EFCAB3: variants seen among roughly 807,000 people sequenced by gnomAD.
EFCAB3 encodes EF-hand calcium binding domain 3.
Under a neutral mutation model 42.2 loss-of-function variants are expected in EFCAB3, and 36 were observed. The ratio of observed to expected loss-of-function variants is 0.85; its 90% CI spans 0.65 to 1.13. The LOEUF is 1.13. EFCAB3 is among the 50% of genes most tolerant of loss of function. The pLI, the probability that EFCAB3 is intolerant of heterozygous loss-of-function variation, is 0.00. For synonymous variants in EFCAB3, 170 were observed against 172.8 expected, an observed-to-expected ratio of 0.98 and a Z score of 0.13; for missense variants, 418 against 505.1, an observed-to-expected ratio of 0.83 and a Z score of 1.65.
intron 3 of EFCAB3, among the ~76,000 whole-genome samples, chr17:62,389,746 A>G (rs2070286368): frequency 6.6e-6 from 1 of 152,228 alleles, no homozygotes; most frequent in African/African-American, 2.4e-5. Flanking sequence ...AATTGATTAT[A>G]ACCCAAAGTA....
chr17:62,378,783 G>A (rs2070170926), upstream of EFCAB3, among the ~76,000 whole-genome samples: 1 of 151,196 alleles, frequency 6.6e-6, no homozygotes, highest in African/African-American at 2.4e-5. Flanking sequence ...GGGGGGTGGG[G>A]GGCTAGGGGA....
intron 8 of EFCAB3, among the ~76,000 whole-genome samples, 176 bp from the exon 9 acceptor site, chr17:62,413,556 G>T (rs535226865): frequency 1.3e-5 from 2 of 152,190 alleles, no homozygotes; most frequent in South Asian, 2.1e-4. Flanking sequence ...TATGCCAAAT[G>T]CCACTCCTGA....
At chr17:62,370,407 C>A in intron 1 of EFCAB3, 1 of 1,382,748 alleles carries the variant, frequency 7.2e-7, no homozygotes, top group Non-Finnish European at 1.0e-6. Flanking sequence ...GTAATCCCAG[C>A]ACTTTGAGAT....
At chr17:62,409,278 A>G (rs879626800) in intron 8 of EFCAB3, among the ~76,000 whole-genome samples, 1 of 152,192 alleles carries the variant, frequency 6.6e-6, no homozygotes, top group Non-Finnish European at 1.5e-5. Flanking sequence ...GCTGGTCTCA[A>G]ACTCGTGACC....
chr17:62,389,488 C>T (rs935774627), intron 3 of EFCAB3, among the ~76,000 whole-genome samples: 2 of 152,130 alleles, frequency 1.3e-5, no homozygotes, highest in Non-Finnish European at 2.9e-5. Flanking sequence ...GTGCTTAATC[C>T]TCACAACTTT....
chr17:62,406,524 G>A lies in EFCAB3; in HGVS notation c.533G>A (p.Trp178Ter). The change falls in exon 7 of 10, where the codon TGG (tryptophan) becomes TAG (stop). Residue 178 changes from tryptophan to a stop codon, truncating the protein, a stop_gained. Coordinates refer to ENST00000305286, the MANE Select transcript of EFCAB3 (RefSeq NM_173503.4). LOFTEE classifies it high-confidence loss of function. ...CAGCATACTGGCCCAGGAATGTTGT[G>A]GAGTCCCTACACTATGGGCTATGGA... ...KFQHTGPGML[W>*]SPYTMGYGKR... 2 of 1,611,774 alleles carry A rather than the reference G, an allele frequency of 1.2e-6. No homozygotes were observed. The highest frequency in any genetic ancestry group is 2.7e-5 in the African/African-American group (2 of 74,820).
At chr17:62,378,993 A>C (rs961747353), upstream of EFCAB3, among the ~76,000 whole-genome samples, 51 of 152,206 alleles carry the variant, frequency 3.4e-4, no homozygotes, top group Admixed American at 3.3e-3. Context: ...TCAGCTTTAA[A>C]ATTCCAGGAC....
chr17:62,389,337 T>C (rs962733744), intron 3 of EFCAB3, among the ~76,000 whole-genome samples: 2 of 152,096 alleles, frequency 1.3e-5, no homozygotes, highest in Non-Finnish European at 2.9e-5. Flanking sequence ...TTGGATGGTT[T>C]GCAGAGGAAA....
At chr17:62,398,303 C>T (rs1310468178) in intron 6 of EFCAB3, among the ~76,000 whole-genome samples, 4 of 151,914 alleles carry the variant, frequency 2.6e-5, no homozygotes, top group East Asian at 1.9e-4. Flanking sequence ...AAAATTTAAA[C>T]ATTAACTGGG....
chr17:62,407,401 A>G (rs2070457873), intron 8 of EFCAB3, among the ~76,000 whole-genome samples, 189 bp downstream of exon 8: 1 of 152,334 alleles, frequency 6.6e-6, no homozygotes, highest in African/African-American at 2.4e-5. Context: ...AGGTAAACTT[A>G]CTAAAAAATA....
intron 1 of EFCAB3, chr17:62,370,449 G>T (rs2070106700): frequency 2.3e-6 from 2 of 877,178 alleles, no homozygotes; most frequent in Admixed American, 4.1e-5. Context: ...GAGGTCAGGA[G>T]TTCGAGACTA....
upstream of EFCAB3, among the ~76,000 whole-genome samples, chr17:62,377,545 A>G (rs527591486): frequency 6.6e-6 from 1 of 152,346 alleles, no homozygotes; most frequent in Non-Finnish European, 1.5e-5. Context: ...TTAGTTAATT[A>G]TACCCACATA....
At chr17:62,395,642 A>T (rs7213988) in intron 6 of EFCAB3, among the ~76,000 whole-genome samples, 1 of 152,190 alleles carries the variant, frequency 6.6e-6, no homozygotes, top group Non-Finnish European at 1.5e-5. Context: ...TAGCCTTTGG[A>T]CTAGAGCAGA....
At chr17:62,388,272 T>C (rs967548744) in intron 3 of EFCAB3, among the ~76,000 whole-genome samples, 4 of 151,970 alleles carry the variant, frequency 2.6e-5, no homozygotes, top group African/African-American at 9.7e-5. Flanking sequence ...ACACAAGTTA[T>C]GATAGGAAAA....
intron 9 of EFCAB3, among the ~76,000 whole-genome samples, chr17:62,414,583 T>G (rs1009699401): frequency 1.3e-5 from 2 of 148,688 alleles, no homozygotes; most frequent in Non-Finnish European, 3.0e-5. Context: ...TTTGTTTGTT[T>G]TGTGTGTGTG....
intron 9 of EFCAB3, 145 bp downstream of exon 9, chr17:62,413,999 T>C: frequency 1.1e-6 from 1 of 888,194 alleles, no homozygotes; most frequent in African/African-American, 1.7e-5. Flanking sequence ...TTACCCATTG[T>C]AATAACACCA....
At chr17:62,414,395 T>A (rs917151612) in intron 9 of EFCAB3, among the ~76,000 whole-genome samples, 2 of 152,216 alleles carry the variant, frequency 1.3e-5, no homozygotes, top group Admixed American at 1.3e-4. Context: ...ACTGTTAAAG[T>A]TGTCACTAAC....
chr17:62,392,079 AAT>A (rs1360372132), intron 4 of EFCAB3, 114 bp downstream of exon 4: 184 of 806,838 alleles, frequency 2.3e-4, no homozygotes, highest in Middle Eastern at 3.7e-4. Context: ...TGCCCCCCCA[AAT>A]ATATATATAT....
rs1237982446 is a variant in EFCAB3, at chr17:62,406,564, G to A, written c.573G>A (p.Lys191=). The part of the protein sequence containing the change: ...YTMGYGKRTL[K]PDICTPPSSS... The stretch of plus-strand genomic sequence containing the variant: ...TGGGCTATGGAAAAAGGACACTTAA[G>A]CCAGACATATGCACACCTCCAAGCT... The change falls in exon 7 of 10, where the codon AAG becomes AAA. Residue 191 remains lysine (K), a synonymous_variant. Coordinates refer to ENST00000305286, the MANE Select transcript of EFCAB3 (RefSeq NM_173503.4). 1 of 1,614,008 alleles carries A rather than the reference G, an allele frequency of 6.2e-7. No homozygotes were observed. The highest frequency in any genetic ancestry group is 1.1e-5 in the South Asian group (1 of 91,070).
Sources: gnomAD v4.1 joint callset for allele counts (sites outside exome capture counted in the v4.1 genomes callset) on GRCh38, gnomAD v4.1.1 for gene constraint, MANE v1.5 for transcripts, NCBI Gene and HGNC (gene_info 2026-07-23, HGNC 2026-07-21) for gene names.